PDE1A: variants seen among roughly 807,000 people sequenced by gnomAD.
The protein encoded by PDE1A is dual specificity calcium/calmodulin-dependent 3',5'-cyclic nucleotide phosphodiesterase 1A.
A neutral mutation model predicts 61.7 loss-of-function variants in PDE1A; 35 were observed. The ratio of observed to expected loss-of-function variants is 0.57; its 90% CI spans 0.43 to 0.75. The LOEUF is 0.75. Among genes scored for constraint, PDE1A ranks in the 30% least tolerant of loss-of-function variants. The pLI, the probability that PDE1A is intolerant of heterozygous loss-of-function variation, is 0.00. For synonymous variants in PDE1A, 232 were observed against 213.2 expected, an observed-to-expected ratio of 1.09 and a Z score of -0.77; for missense variants, 597 against 630.6, an observed-to-expected ratio of 0.95 and a Z score of 0.57.
chr2:182,353,473 C>A (rs2125116622), intron 1 of PDE1A, among the ~76,000 whole-genome samples: 1 of 152,174 alleles, frequency 6.6e-6, no homozygotes, highest in Middle Eastern at 3.4e-3. Flanking sequence ...TGGTATTTCA[C>A]AGATTTTGAT....
chr2:182,319,113 A>C (rs954782919), intron 1 of PDE1A, among the ~76,000 whole-genome samples: 2 of 152,160 alleles, frequency 1.3e-5, no homozygotes, highest in African/African-American at 2.4e-5. Flanking sequence ...TTTTGCCAAA[A>C]AAAGAAATTG....
chr2:182,700,742 A>AAAAAAAAAAAAAAAAAG, the PDE1A span, among the ~76,000 whole-genome samples: 1 of 130,100 alleles, frequency 7.7e-6, no homozygotes, highest in Non-Finnish European at 1.7e-5. Context: ...AAAAAAAAAC[A>AAAAAAAAAAAAAAAAAG]GAAAGAAAAG....
intron 1 of PDE1A, among the ~76,000 whole-genome samples, chr2:182,271,891 AAC>A (rs1465381375): frequency 6.6e-6 from 1 of 152,156 alleles, no homozygotes; most frequent in Non-Finnish European, 1.5e-5. Flanking sequence ...TTAAGAAACA[AAC>A]AAAAAACTTT....
the PDE1A span, among the ~76,000 whole-genome samples, chr2:182,681,322 T>TAGAG: frequency 2.6e-5 from 4 of 151,064 alleles, no homozygotes; most frequent in Admixed American, 6.6e-5. Flanking sequence ...TTATTTATTT[T>TAGAG]AGAGAGAGAG....
At chr2:182,640,593 G>A in the PDE1A span, among the ~76,000 whole-genome samples, 3 of 152,016 alleles carry the variant, frequency 2.0e-5, no homozygotes, top group African/African-American at 4.8e-5. Flanking sequence ...AAGAAGGAGG[G>A]TGCATGGAAG....
chr2:182,214,617 ACT>A (rs1687995010), intron 7 of PDE1A, among the ~76,000 whole-genome samples: 1 of 150,362 alleles, frequency 6.7e-6, no homozygotes, highest in East Asian at 2.0e-4. Flanking sequence ...TTGCAATCCT[ACT>A]CTCTGATAAA....
chr2:182,648,727 G>C, the PDE1A span, among the ~76,000 whole-genome samples: 4 of 147,806 alleles, frequency 2.7e-5, no homozygotes, highest in Non-Finnish European at 6.0e-5. Context: ...AAAAATTCAA[G>C]ACAAGGCAGT....
chr2:182,351,185 G>A (rs184837105), intron 1 of PDE1A, among the ~76,000 whole-genome samples: 168 of 152,312 alleles, frequency 1.1e-3, no homozygotes, highest in African/African-American at 3.9e-3. Flanking sequence ...TTGCCTCGCA[G>A]CACTTGAGGA....
chr2:182,269,277 T>C (rs1033769346), intron 1 of PDE1A, among the ~76,000 whole-genome samples: 1 of 151,904 alleles, frequency 6.6e-6, no homozygotes, highest in Non-Finnish European at 1.5e-5. Flanking sequence ...TCACCTGAGG[T>C]TGGGAGTTTG....
chr2:182,609,448 C>T, the PDE1A span, among the ~76,000 whole-genome samples: 3 of 152,260 alleles, frequency 2.0e-5, no homozygotes, highest in Non-Finnish European at 4.4e-5. Context: ...CTGTTGCTCA[C>T]TCGTTGGGTC....
the PDE1A span, among the ~76,000 whole-genome samples, chr2:182,625,043 C>A: frequency 2.6e-5 from 4 of 151,958 alleles, no homozygotes; most frequent in Admixed American, 1.3e-4. Flanking sequence ...TAGATGAGAT[C>A]GTGAGAATGG....
chr2:182,658,553 A>G, the PDE1A span, among the ~76,000 whole-genome samples: 1 of 152,226 alleles, frequency 6.6e-6, no homozygotes, highest in Non-Finnish European at 1.5e-5. Context: ...AGTTCTACCC[A>G]CAGCATCGTG....
At chr2:182,333,046 T>A (rs916615167) in intron 1 of PDE1A, among the ~76,000 whole-genome samples, 6 of 152,162 alleles carry the variant, frequency 3.9e-5, no homozygotes, top group African/African-American at 1.4e-4. Context: ...TAAATATATA[T>A]GCACCCAATA....
downstream of PDE1A, among the ~76,000 whole-genome samples, chr2:182,143,656 C>T (rs997232528): frequency 6.6e-6 from 1 of 151,760 alleles, no homozygotes; most frequent in Non-Finnish European, 1.5e-5. Flanking sequence ...GCTGGGACTA[C>T]AGGCGCCCGC....
At chr2:182,604,164 G>A in the PDE1A span, among the ~76,000 whole-genome samples, 1 of 152,054 alleles carries the variant, frequency 6.6e-6, no homozygotes, top group Non-Finnish European at 1.5e-5. Context: ...ATAATGAAAT[G>A]TAAATAAAAT....
At chr2:182,440,099 C>A (rs1044460662) in intron 2 of PDE1A, among the ~76,000 whole-genome samples, 2 of 152,072 alleles carry the variant, frequency 1.3e-5, no homozygotes, top group African/African-American at 4.8e-5. Flanking sequence ...TAAGCAAACA[C>A]AGATTATCTC....
chr2:182,473,521 A>C (rs1336510560), intron 2 of PDE1A, among the ~76,000 whole-genome samples: 1 of 151,892 alleles, frequency 6.6e-6, no homozygotes, highest in Non-Finnish European at 1.5e-5. Flanking sequence ...TCAGGGGTAC[A>C]TGTGCAGGTT....
At chr2:182,653,161 A>G in the PDE1A span, among the ~76,000 whole-genome samples, 3 of 152,184 alleles carry the variant, frequency 2.0e-5, no homozygotes, top group Non-Finnish European at 2.9e-5. Flanking sequence ...GTGGGCACTT[A>G]CCATATTGCT....
At chr2:182,143,508 T>C (rs541940458), downstream of PDE1A, among the ~76,000 whole-genome samples, 173 of 152,014 alleles carry the variant, frequency 1.1e-3, no homozygotes, top group Non-Finnish European at 2.1e-3. Flanking sequence ...AATTAATTAA[T>C]TTATTTTATT....
Sources: gnomAD v4.1 joint callset for allele counts (sites outside exome capture counted in the v4.1 genomes callset) on GRCh38, gnomAD v4.1.1 for gene constraint, MANE v1.5 for transcripts, NCBI Gene and HGNC (gene_info 2026-07-23, HGNC 2026-07-21) for gene names.